IGF1R: variants seen among roughly 807,000 people sequenced by gnomAD.
IGF1R encodes insulin-like growth factor 1 receptor.
IGF1R carries 44 observed loss-of-function variants against 144.6 expected under a neutral mutation model. The observed-to-expected ratio is 0.30, with a 90% CI of 0.24 to 0.39. The LOEUF is 0.39. IGF1R is among the 10% of genes least tolerant of loss of function. The probability of loss-of-function intolerance (pLI) is 1.00; values close to 1 mark genes in which losing one functional copy is unlikely to be tolerated. For synonymous variants in IGF1R, 795 were observed against 722.8 expected (o/e 1.10, Z -1.60); for missense variants, 1,355 against 1,833.7 (o/e 0.74, Z 4.77).
Position 98,759,184 on chromosome 15 carries a change from C to T in IGF1R, c.640+51077C>T, listed in dbSNP as rs534451602. On this transcript the variant is annotated intron_variant, in intron 2 of 20. Transcript: ENST00000650285. ...AGGGGCAGGGGGCACTTCTTCACTCCACAGCTGGAAAACTTGGGACAAAAT... is the reference window on the plus strand; with the variant it reads ...AGGGGCAGGGGGCACTTCTTCACTCTACAGCTGGAAAACTTGGGACAAAAT... 7.2e-5 allele frequency among the ~76,000 whole-genome samples: 11 copies of T among 152,270 alleles called. No homozygotes were observed. In the East Asian group the frequency reaches 9.7e-4, roughly 13 times the overall value.
Position 98,909,266 on chromosome 15 carries a change from T to TTC in IGF1R, c.1462+368_1462+369insCT, listed in dbSNP as rs1328155942. 3.1e-5 allele frequency among the ~76,000 whole-genome samples: 4 copies of TTC among 130,464 alleles called. No individual in the cohort carries two copies. The East Asian group carries it at 8.7e-4, about 28-fold the overall frequency. 85.6% of individuals were successfully genotyped at this position (130,464 alleles called of 152,430 possible). A position where few individuals can be genotyped will look rare whatever the true frequency, so the allele number is the denominator to read the frequency against. ...TCTTTTTTTTCTTTTTTTTTCTTTT[T>TTC]TTTTTTTTTTTTTGAGATGGAGTCT... On this transcript the variant is annotated intron_variant, in intron 6 of 20. Coordinates refer to ENST00000650285, the MANE Select transcript of IGF1R (RefSeq NM_000875.5).
chr15:98,729,142 A>C (rs1161516308), intron 2 of IGF1R, among the ~76,000 whole-genome samples: 1 of 152,234 alleles, frequency 6.6e-6, no homozygotes, highest in African/African-American at 2.4e-5. Flanking sequence ...TTTGTGTCTG[A>C]TTTATACATT....
At chr15:98,699,757 T>C (rs944324952) in intron 1 of IGF1R, among the ~76,000 whole-genome samples, 9 of 152,210 alleles carry the variant, frequency 5.9e-5, no homozygotes, top group African/African-American at 1.9e-4. Flanking sequence ...TTCTGAGCCT[T>C]CAGGACTGCC....
intron 1 of IGF1R, among the ~76,000 whole-genome samples, chr15:98,685,712 G>T (rs1293945114): frequency 6.6e-6 from 1 of 152,218 alleles, no homozygotes; most frequent in Non-Finnish European, 1.5e-5. Context: ...GAGTGTGCAA[G>T]AACACCAGCG....
intron 1 of IGF1R, among the ~76,000 whole-genome samples, chr15:98,658,647 A>G (rs531646633): frequency 3.3e-5 from 5 of 152,208 alleles, no homozygotes; most frequent in Non-Finnish European, 7.3e-5. Flanking sequence ...TGGTTTGAAT[A>G]GGTCAGAGAT....
intron 3 of IGF1R, chr15:98,893,349 A>G (rs1235726150): frequency 1.3e-5 from 2 of 152,238 alleles, no homozygotes; most frequent in Non-Finnish European, 2.9e-5. Context: ...CCATTAGCAT[A>G]CTAACAACAA....
rs1425643470 is a variant in IGF1R at position 98,960,658 on chromosome 15, A to G, written c.*3216A>G. 8.6e-6 allele frequency: 2 copies of G among 233,202 alleles called. No individual in the cohort carries two copies. The highest frequency in any genetic ancestry group is 1.7e-5 in the Non-Finnish European group (2 of 118,098). The allele number at this position is 233,202 out of a possible 1,614,324, so 14.4% of individuals were successfully genotyped here. A position where few individuals can be genotyped will look rare whatever the true frequency, so the allele number is the denominator to read the frequency against. ...CCGTGCGGCCATGGCTGCTGCATTC[A>G]TTGAGCACAAAGGTGCAGCTGCAGC... On this transcript the variant is annotated 3_prime_UTR_variant, in exon 21 of 21. Transcript: ENST00000650285.
chr15:98,669,928 C>T (rs550018097), intron 1 of IGF1R, among the ~76,000 whole-genome samples: 1 of 152,066 alleles, frequency 6.6e-6, no homozygotes, highest in African/African-American at 2.4e-5. Context: ...CTACAGTGGG[C>T]GGCAGAGTGG....
intron 2 of IGF1R, among the ~76,000 whole-genome samples, chr15:98,875,347 TTC>T (rs1361479145): frequency 2.3e-5 from 3 of 131,050 alleles, no homozygotes; most frequent in South Asian, 2.6e-4. Flanking sequence ...TTCTTTTCTT[TTC>T]TTTTTTTTTT....
chr15:98,820,072 A>G (rs1346495605), intron 2 of IGF1R, among the ~76,000 whole-genome samples: 1 of 152,246 alleles, frequency 6.6e-6, no homozygotes, highest in Non-Finnish European at 1.5e-5. Context: ...TTTGAGAACT[A>G]AAGATCAAGG....
chr15:98,799,688 T>C (rs1596313719), intron 2 of IGF1R, among the ~76,000 whole-genome samples: 1 of 151,680 alleles, frequency 6.6e-6, no homozygotes, highest in East Asian at 1.9e-4. Flanking sequence ...CGGAGGGGAG[T>C]GCTGAGGGCT....
rs919585567 is a variant in IGF1R at position 98,962,637 on chromosome 15, G to A, written c.*5195G>A. 3 of 233,594 alleles carry A rather than the reference G, an allele frequency of 1.3e-5. No individual in the cohort carries two copies. The highest frequency in any genetic ancestry group is 6.6e-5 in the African/African-American group (3 of 45,332). 14.5% of individuals were successfully genotyped at this position (233,594 alleles called of 1,614,324 possible). ...TTGATGGTGGAATGACCGGGTGGTG[G>A]GTACAGAACCATTGTCACAGGGATC... On this transcript the variant is annotated 3_prime_UTR_variant, in exon 21 of 21. Transcript: ENST00000650285.
rs2015518542 is a variant in IGF1R at position 98,922,192 on chromosome 15, C to T, written c.2246C>T (p.Thr749Ile). ...RRDVMQVANT[T>I]MSSRSRNTTA... ...GATGTCATGCAAGTGGCCAACACCA[C>T]CATGTCCAGCCGAAGCAGGAACACC... is the stretch of plus-strand genomic sequence containing the variant. The change falls in exon 11 of 21, where the codon ACC (threonine) becomes ATC (isoleucine). Residue 749 changes from threonine (T) to isoleucine (I), a missense_variant. Transcript: ENST00000650285. 7 of 1,614,098 alleles carry T rather than the reference C, an allele frequency of 4.3e-6. No individual in the cohort carries two copies. Among genetic ancestry groups the T allele is most frequent in the Non-Finnish European group, 5.9e-6 (7 of 1,180,044 alleles).
chr15:98,748,110 G>A (rs1369135536), intron 2 of IGF1R, among the ~76,000 whole-genome samples: 1 of 152,148 alleles, frequency 6.6e-6, no homozygotes, highest in Non-Finnish European at 1.5e-5. Flanking sequence ...TGTTTCTCAT[G>A]TGACAAATAT....
At chr15:98,737,368 A>AG (rs952309490) in intron 2 of IGF1R, among the ~76,000 whole-genome samples, 5 of 152,130 alleles carry the variant, frequency 3.3e-5, no homozygotes, top group Non-Finnish European at 7.4e-5. Context: ...TGTGGAGATT[A>AG]GGAACCGAGC....
Position 98,862,165 on chromosome 15 carries a change from A to T in IGF1R, c.641-29160A>T, listed in dbSNP as rs1417106139. ...AGATTTTTGCTGTTGAAAGAATTTG[A>T]TCTGTTTTATGTATAACATGCAGAG... On this transcript the variant is annotated intron_variant, in intron 2 of 20. Coordinates refer to ENST00000650285, the MANE Select transcript of IGF1R (RefSeq NM_000875.5). Among the ~76,000 whole-genome samples, 5 of 152,262 alleles carry T rather than the reference A, an allele frequency of 3.3e-5. No individual in the cohort carries two copies. In the East Asian group the frequency reaches 5.8e-4, roughly 18 times the overall value.
At chr15:98,652,606 G>GA (rs2052396004) in intron 1 of IGF1R, among the ~76,000 whole-genome samples, 1 of 152,200 alleles carries the variant, frequency 6.6e-6, no homozygotes, top group Non-Finnish European at 1.5e-5. Context: ...AATATGCTAA[G>GA]GTTGAATAGA....
At chr15:98,886,772 T>C (rs1039252180) in intron 2 of IGF1R, among the ~76,000 whole-genome samples, 1 of 152,156 alleles carries the variant, frequency 6.6e-6, no homozygotes, top group Non-Finnish European at 1.5e-5. Context: ...ATAATATTTA[T>C]ATACATTGAG....
At position 98,960,588 on chromosome 15, in the gene IGF1R, C is replaced by T. The variant is rs1326420472; in HGVS notation, c.*3146C>T. 1.7e-5 allele frequency: 4 copies of T among 233,602 alleles called. No homozygotes were observed. The East Asian group carries it at 1.8e-4, about 11-fold the overall frequency. 14.5% of individuals were successfully genotyped at this position (233,602 alleles called of 1,614,324 possible). ...GGCGTGGGGCATTGGGTTTGCTCCC[C>T]TTGCTGCTGCTCCATCCCTGCAGGA... On this transcript the variant is annotated 3_prime_UTR_variant, in exon 21 of 21. Coordinates refer to ENST00000650285, the MANE Select transcript of IGF1R (RefSeq NM_000875.5).
Sources: allele counts gnomAD v4.1 joint callset (sites outside exome capture counted in the v4.1 genomes callset), GRCh38; gene constraint gnomAD v4.1.1; transcripts MANE v1.5; gene names NCBI Gene and HGNC (gene_info 2026-07-23, HGNC 2026-07-21).